Variants in GALNT13 observed in about 807,000 individuals in gnomAD.
The protein encoded by GALNT13 is UDP-GalNAc:polypeptide N-acetylgalactosaminyltransferase 13.
GALNT13 carries 28 observed loss-of-function variants against 64.2 expected under a neutral mutation model. The ratio of observed to expected loss-of-function variants is 0.44; its 90% CI spans 0.32 to 0.60. The LOEUF (loss-of-function observed/expected upper bound fraction) is 0.60. Ranked by LOEUF, GALNT13 falls within the 20% of genes least tolerant of loss-of-function variation. The probability of loss-of-function intolerance (pLI) is 0.05; values close to 1 mark genes in which losing one functional copy is unlikely to be tolerated. For missense variants in GALNT13, 577 were observed against 669.8 expected (o/e 0.86, Z 1.53); for synonymous variants, 214 against 224.6 (o/e 0.95, Z 0.42).
chr2:154,201,380 G>T (rs1687159449), intron 4 of GALNT13, among the ~76,000 whole-genome samples: 1 of 152,094 alleles, frequency 6.6e-6, no homozygotes, highest in African/African-American at 2.4e-5. Context: ...AATTTAGGGA[G>T]AAACTCTGAG....
At chr2:154,374,367 T>C (rs2105317682) in intron 9 of GALNT13, among the ~76,000 whole-genome samples, 1 of 152,276 alleles carries the variant, frequency 6.6e-6, no homozygotes, top group East Asian at 1.9e-4. Flanking sequence ...CTTAAAAGCA[T>C]ATGGGGAGAC....
the GALNT13 span, among the ~76,000 whole-genome samples, chr2:153,256,979 C>A: frequency 6.6e-6 from 1 of 152,358 alleles, no homozygotes; most frequent in Non-Finnish European, 1.5e-5. Flanking sequence ...GTGGGCTCCA[C>A]CCAGTTCGAG....
the GALNT13 span, among the ~76,000 whole-genome samples, chr2:153,403,821 C>T: frequency 6.6e-6 from 1 of 152,174 alleles, no homozygotes; most frequent in African/African-American, 2.4e-5. Context: ...GACCTGCGCC[C>T]ACTGTCTGGC....
chr2:153,204,951 A>G, the GALNT13 span, among the ~76,000 whole-genome samples: 1 of 152,162 alleles, frequency 6.6e-6, no homozygotes, highest in African/African-American at 2.4e-5. Context: ...GCTTTTTAAG[A>G]TTTTGCACAA....
intron 3 of GALNT13, among the ~76,000 whole-genome samples, chr2:154,126,396 A>G (rs1344234904): frequency 4.6e-5 from 7 of 151,928 alleles, no homozygotes; most frequent in Non-Finnish European, 7.4e-5. Context: ...AGCACTTTGG[A>G]AGGCCGAGGC....
At chr2:154,171,511 A>G (rs572523960) in intron 4 of GALNT13, among the ~76,000 whole-genome samples, 131 of 152,288 alleles carry the variant, frequency 8.6e-4, no homozygotes, top group Non-Finnish European at 1.4e-3. Flanking sequence ...GATGGGAAAT[A>G]TGAAATCCCA....
the GALNT13 span, among the ~76,000 whole-genome samples, chr2:153,631,762 G>T: frequency 6.6e-6 from 1 of 152,136 alleles, no homozygotes; most frequent in Non-Finnish European, 1.5e-5. Flanking sequence ...TAGGTTGCCT[G>T]TTCACTCTGA....
At chr2:153,690,699 A>G in the GALNT13 span, among the ~76,000 whole-genome samples, 3 of 152,154 alleles carry the variant, frequency 2.0e-5, no homozygotes, top group Non-Finnish European at 4.4e-5. Flanking sequence ...ATCCCATGCA[A>G]TAAGAGCTTT....
At chr2:153,605,794 G>C in the GALNT13 span, among the ~76,000 whole-genome samples, 2 of 152,068 alleles carry the variant, frequency 1.3e-5, no homozygotes, top group African/African-American at 4.8e-5. Flanking sequence ...AAATAACATT[G>C]CTATGTTTGA....
the GALNT13 span, among the ~76,000 whole-genome samples, chr2:153,833,436 C>T: frequency 5.3e-5 from 8 of 151,760 alleles, no homozygotes; most frequent in Non-Finnish European, 8.8e-5. Context: ...TTAATAAGAA[C>T]AAAAATTGTA....
chr2:153,468,227 C>A, the GALNT13 span, among the ~76,000 whole-genome samples: 9 of 152,018 alleles, frequency 5.9e-5, no homozygotes, highest in Non-Finnish European at 1.0e-4. Flanking sequence ...AACACTGTTA[C>A]ATTTTCTTTC....
intron 8 of GALNT13, among the ~76,000 whole-genome samples, chr2:154,296,990 G>T (rs973523231): frequency 6.6e-6 from 1 of 152,086 alleles, no homozygotes; most frequent in Non-Finnish European, 1.5e-5. Flanking sequence ...CGGGTACAGG[G>T]GAAGGAGATT....
At chr2:153,480,815 G>C in the GALNT13 span, among the ~76,000 whole-genome samples, 1 of 152,182 alleles carries the variant, frequency 6.6e-6, no homozygotes, top group African/African-American at 2.4e-5. Flanking sequence ...TTCAGTAGAA[G>C]TTAGGTGTAA....
chr2:153,631,655 G>A, the GALNT13 span, among the ~76,000 whole-genome samples: 3 of 151,716 alleles, frequency 2.0e-5, no homozygotes, highest in Admixed American at 6.6e-5. Context: ...TGTTGATGGG[G>A]TTGTTTTTTT....
At chr2:153,768,659 T>C in the GALNT13 span, among the ~76,000 whole-genome samples, 1 of 152,034 alleles carries the variant, frequency 6.6e-6, no homozygotes. Context: ...GGTCAGGAGA[T>C]TGAGACCAGC....
the GALNT13 span, among the ~76,000 whole-genome samples, chr2:153,240,190 A>G: frequency 6.6e-6 from 1 of 152,070 alleles, no homozygotes; most frequent in Non-Finnish European, 1.5e-5. Flanking sequence ...CTCTGATTTT[A>G]TTTGGATCTT....
intron 9 of GALNT13, among the ~76,000 whole-genome samples, chr2:154,316,307 A>G (rs1694315965): frequency 6.6e-6 from 1 of 152,186 alleles, no homozygotes; most frequent in Non-Finnish European, 1.5e-5. Context: ...TGTCGTTAAC[A>G]AAAACAGAGC....
At chr2:153,143,852 A>G in the GALNT13 span, among the ~76,000 whole-genome samples, 14 of 152,158 alleles carry the variant, frequency 9.2e-5, no homozygotes, top group African/African-American at 2.9e-4. Flanking sequence ...ACACTTTGTT[A>G]TCAACTCTAC....
chr2:153,598,545 T>G, the GALNT13 span, among the ~76,000 whole-genome samples: 1 of 152,058 alleles, frequency 6.6e-6, no homozygotes, highest in Non-Finnish European at 1.5e-5. Flanking sequence ...GATAGCTGCA[T>G]TTCCACTAAA....
Sources: allele counts gnomAD v4.1 joint callset (sites outside exome capture counted in the v4.1 genomes callset), GRCh38; gene constraint gnomAD v4.1.1; transcripts MANE v1.5; gene names NCBI Gene and HGNC (gene_info 2026-07-23, HGNC 2026-07-21).